Variants in ETV6 observed in about 807,000 individuals in gnomAD.
ETV6 encodes the protein ETS variant transcription factor 6.
In ETV6, 16 loss-of-function variants were observed where a neutral mutation model predicts 51.1. The observed-to-expected ratio is 0.31, with a 90% CI of 0.21 to 0.48. ETV6 has a LOEUF of 0.48. Among genes scored for constraint, ETV6 ranks in the 20% least tolerant of loss-of-function variants. The probability of loss-of-function intolerance (pLI) is 0.99; values close to 1 mark genes in which losing one functional copy is unlikely to be tolerated. For missense variants in ETV6, 458 were observed against 594.8 expected (o/e 0.77, Z 2.39); for synonymous variants, 240 against 224.1 (o/e 1.07, Z -0.64).
chr12:11,767,062 C>T (rs983086314), intron 2 of ETV6, among the ~76,000 whole-genome samples: 6 of 151,986 alleles, frequency 3.9e-5, no homozygotes, highest in African/African-American at 9.7e-5. Context: ...AGAAGGATGG[C>T]GGTATCATTT....
intron 1 of ETV6, among the ~76,000 whole-genome samples, chr12:11,743,756 A>G (rs2724638): frequency 0.85 from 129,826 of 152,194 alleles, 58,192 homozygotes; most frequent in Non-Finnish European, 0.99. Context: ...AGGAGGTCTG[A>G]GTTGCAGCTC....
At chr12:11,738,517 G>A (rs1865751567) in intron 1 of ETV6, among the ~76,000 whole-genome samples, 1 of 151,196 alleles carries the variant, frequency 6.6e-6, no homozygotes, top group South Asian at 2.1e-4. Flanking sequence ...CTGTTGCCCA[G>A]ACTCATCTCA....
In ETV6 at chr12:11,859,118, GGTTTTTTTTTTTTTTTTTT is replaced by G. The variant is rs1276303734; in HGVS notation, c.463+5558_463+5576del. 4.3e-4 allele frequency among the ~76,000 whole-genome samples: 18 copies of G among 41,792 alleles called. 2 individuals are homozygous for G. The highest frequency in any genetic ancestry group is 1.3e-3 in the South Asian group (1 of 764). 27.4% of individuals were successfully genotyped at this position (41,792 alleles called of 152,430 possible). ...TAAAGAAGATGAGGTATATGAATCT[GGTTTTTTTTTTTTTTTTTT>G]TTTTTTTTTTTTTTTTTTTTTTGAG... On this transcript the variant is annotated intron_variant, in intron 4 of 7. Transcript: ENST00000396373.
rs147699490 is a variant in ETV6 at position 11,756,732 on chromosome 12, C to CT, written c.163+4154dup. Among the ~76,000 whole-genome samples, 528 of 152,238 alleles carry CT rather than the reference C, an allele frequency of 3.5e-3. 12 individuals are homozygous for CT. In the East Asian group the frequency reaches 0.077, roughly 22 times the overall value. Reference sequence around the variant, plus strand: ...TTCTAAACTCATGGGGGAGTGGCTGCTGAAGGGGGCAGTTACAGCACCTCA... The same window carrying CT: ...TTCTAAACTCATGGGGGAGTGGCTGCTTGAAGGGGGCAGTTACAGCACCTCA... On this transcript the variant is annotated intron_variant, in intron 2 of 7. Transcript: ENST00000396373.
rs1591755918 is a variant in ETV6, at chr12:11,891,913, G to C, written c.*867G>C. On this transcript the variant is annotated 3_prime_UTR_variant, in exon 8 of 8. Coordinates refer to ENST00000396373, the MANE Select transcript of ETV6 (RefSeq NM_001987.5). ...CTGCAGACAGATACATGCTAGTCCA[G>C]AGAGCCGCCCCTGAGATGGCTGTGA... 1 of 251,808 alleles carries C rather than the reference G, an allele frequency of 4.0e-6. No individual in the cohort carries two copies. Among genetic ancestry groups the C allele is most frequent in the East Asian group, 5.7e-5 (1 of 17,514 alleles). 15.6% of individuals were successfully genotyped at this position (251,808 alleles called of 1,614,324 possible).
chr12:11,746,859 T>C (rs1457235882), intron 1 of ETV6, among the ~76,000 whole-genome samples: 1 of 149,032 alleles, frequency 6.7e-6, no homozygotes, highest in Non-Finnish European at 1.5e-5. Flanking sequence ...AGAGGAAGAC[T>C]TAAGATGCTT....
At chr12:11,798,890 C>T (rs1489301275) in intron 2 of ETV6, among the ~76,000 whole-genome samples, 1 of 152,198 alleles carries the variant, frequency 6.6e-6, no homozygotes, top group African/African-American at 2.4e-5. Flanking sequence ...CTTCCCCTGA[C>T]AATAACTGCA....
Position 11,715,441 on chromosome 12 carries a change from C to T in ETV6, c.34-37009C>T, listed in dbSNP as rs1367902519. On this transcript the variant is annotated intron_variant, in intron 1 of 7. Transcript: ENST00000396373. Reference sequence around the variant, plus strand: ...AATACTCATTATCACCTTCAATCCTCACAACCATTGTATGAAACAGGGATG... The same window carrying T: ...AATACTCATTATCACCTTCAATCCTTACAACCATTGTATGAAACAGGGATG... Among the ~76,000 whole-genome samples the T allele has an allele frequency of 3.3e-5, 5 of 152,126 alleles. No individual in the cohort carries two copies. The East Asian group carries it at 9.6e-4, about 29-fold the overall frequency.
chr12:11,850,052 G>A (rs1946527135), intron 3 of ETV6, among the ~76,000 whole-genome samples: 1 of 152,100 alleles, frequency 6.6e-6, no homozygotes, highest in South Asian at 2.1e-4. Flanking sequence ...GTTTTTTCGT[G>A]ACCCAGTACC....
intron 2 of ETV6, among the ~76,000 whole-genome samples, chr12:11,763,838 A>C (rs1945126533): frequency 6.6e-6 from 1 of 152,210 alleles, no homozygotes; most frequent in Non-Finnish European, 1.5e-5. Flanking sequence ...AGGAGTATTG[A>C]GATTCAGAAA....
intron 1 of ETV6, among the ~76,000 whole-genome samples, chr12:11,748,382 A>G (rs1448549341): frequency 2.6e-5 from 4 of 152,250 alleles, no homozygotes; most frequent in Non-Finnish European, 5.9e-5. Flanking sequence ...CTTTGAAATT[A>G]CCTGCAAACC....
intron 3 of ETV6, among the ~76,000 whole-genome samples, chr12:11,843,822 ATAAT>A (rs1166610641): frequency 6.6e-6 from 1 of 152,210 alleles, no homozygotes; most frequent in African/African-American, 2.4e-5. Flanking sequence ...TGTGCTTTAA[ATAAT>A]TATATGGTCT....
intron 1 of ETV6, among the ~76,000 whole-genome samples, chr12:11,718,042 A>C (rs1370683698): frequency 6.6e-6 from 1 of 152,222 alleles, no homozygotes; most frequent in Non-Finnish European, 1.5e-5. Context: ...ATGGGGGGAA[A>C]GTCAGGTTTT....
intron 5 of ETV6, among the ~76,000 whole-genome samples, chr12:11,882,002 T>C (rs1291121386): frequency 1.3e-5 from 2 of 152,182 alleles, no homozygotes; most frequent in Non-Finnish European, 2.9e-5. Context: ...GGGTGGGCAA[T>C]AGAAGTGGCT....
intron 2 of ETV6, among the ~76,000 whole-genome samples, chr12:11,821,039 C>T (rs1946072416): frequency 6.6e-6 from 1 of 152,120 alleles, no homozygotes; most frequent in Non-Finnish European, 1.5e-5. Flanking sequence ...GCCAATAACA[C>T]TTACCAATGG....
intron 4 of ETV6, among the ~76,000 whole-genome samples, chr12:11,853,843 G>A (rs1339711470): frequency 6.6e-6 from 1 of 152,116 alleles, no homozygotes; most frequent in African/African-American, 2.4e-5. Flanking sequence ...CAGGAAGCAG[G>A]GTCTTCTCAT....
intron 2 of ETV6, chr12:11,768,930 G>C (rs376770665): frequency 4.1e-6 from 2 of 486,368 alleles, no homozygotes. Context: ...TGACTGCTTG[G>C]GCTTGTTCTG....
chr12:11,758,240 T>C (rs2121094106), intron 2 of ETV6, among the ~76,000 whole-genome samples: 1 of 152,340 alleles, frequency 6.6e-6, no homozygotes, highest in Admixed American at 6.5e-5. Flanking sequence ...TAACGACACC[T>C]ACTAATGAGG....
chr12:11,745,329 A>G (rs546199558), intron 1 of ETV6, among the ~76,000 whole-genome samples: 1 of 152,350 alleles, frequency 6.6e-6, no homozygotes, highest in East Asian at 1.9e-4. Flanking sequence ...GCATTAAGTC[A>G]GCTTTAGGAG....
Sources: gnomAD v4.1 joint callset for allele counts (sites outside exome capture counted in the v4.1 genomes callset) on GRCh38, gnomAD v4.1.1 for gene constraint, MANE v1.5 for transcripts, NCBI Gene and HGNC (gene_info 2026-07-23, HGNC 2026-07-21) for gene names.